The following GSG1L variants were observed in gnomAD, a reference collection of about 807,000 sequenced individuals.
GSG1L encodes GSG1 like.
GSG1L carries 24 observed loss-of-function variants against 42.1 expected under a neutral mutation model. The ratio of observed to expected loss-of-function variants is 0.57; its 90% CI spans 0.41 to 0.80. The LOEUF (loss-of-function observed/expected upper bound fraction) is 0.80. GSG1L is among the 30% of genes least tolerant of loss of function. The pLI, the probability that GSG1L is intolerant of heterozygous loss-of-function variation, is 0.00. For missense variants in GSG1L, 445 were observed against 472.2 expected (o/e 0.94, Z 0.53); for synonymous variants, 215 against 203.5 (o/e 1.06, Z -0.48).
At chr16:27,996,252 T>C (rs1290359171) in intron 1 of GSG1L, among the ~76,000 whole-genome samples, 1 of 152,152 alleles carries the variant, frequency 6.6e-6, no homozygotes, top group Non-Finnish European at 1.5e-5. Context: ...TCCAATTGCC[T>C]TTAGCTCTCA....
chr16:27,842,065 G>A (rs559882883), intron 4 of GSG1L, among the ~76,000 whole-genome samples: 2 of 151,068 alleles, frequency 1.3e-5, no homozygotes, highest in African/African-American at 4.9e-5. Flanking sequence ...TCAGTAGCAC[G>A]ATGTCGCGCG....
chr16:27,913,713 G>A (rs565854762), intron 2 of GSG1L, among the ~76,000 whole-genome samples: 1 of 152,286 alleles, frequency 6.6e-6, no homozygotes, highest in Admixed American at 6.5e-5. Flanking sequence ...AACCACAATA[G>A]AGACTGTGTG....
At chr16:27,980,572 C>T (rs1273605073) in intron 1 of GSG1L, among the ~76,000 whole-genome samples, 1 of 152,200 alleles carries the variant, frequency 6.6e-6, no homozygotes, top group Non-Finnish European at 1.5e-5. Flanking sequence ...TATGACCACA[C>T]CCATTTTACA....
intron 4 of GSG1L, among the ~76,000 whole-genome samples, chr16:27,841,424 G>A (rs1369496095): frequency 2.6e-5 from 4 of 152,186 alleles, no homozygotes; most frequent in African/African-American, 7.2e-5. Context: ...GGCTTTGAGC[G>A]CCTCAAAACC....
chr16:27,959,337 G>A lies in GSG1L; in HGVS notation c.397+3819C>T, dbSNP rs756658627. On this transcript the variant is annotated intron_variant, in intron 2 of 6. Transcript: ENST00000447459. ...AAAAAAATTAGCCGGGCATGGTGGC[G>A]TGCGCCTGTAATCCCAGCTACTCGG... Among the ~76,000 whole-genome samples, 426 of 100,958 alleles carry A rather than the reference G, an allele frequency of 4.2e-3. 3 individuals are homozygous for A. Among genetic ancestry groups the A allele is most frequent in the East Asian group, 8.1e-3 (12 of 1,478 alleles). The allele number at this position is 100,958 out of a possible 152,430, so 66.2% of individuals were successfully genotyped here.
chr16:27,919,977 C>T (rs1308344628), intron 2 of GSG1L, among the ~76,000 whole-genome samples: 3 of 152,186 alleles, frequency 2.0e-5, no homozygotes, highest in South Asian at 4.1e-4. Context: ...TGGCATGTTC[C>T]GAAGGGGGCT....
rs113225506 is a variant in GSG1L at position 27,796,087 on chromosome 16, C to G, written c.899-4620G>C. Among the ~76,000 whole-genome samples the G allele has an allele frequency of 6.3e-3, 965 of 152,250 alleles. 5 individuals carry two copies. Among genetic ancestry groups the G allele is most frequent in the African/African-American group, 0.018 (747 of 41,526 alleles). On this transcript the variant is annotated intron_variant, in intron 6 of 6. Coordinates refer to ENST00000447459, the MANE Select transcript of GSG1L (RefSeq NM_001109763.2). ...TCTGCAGCTGGCAGAGTGAGGGTAACAGGTGGCAGGTATTGATGCTCCTGA... is the reference window on the plus strand; with the variant it reads ...TCTGCAGCTGGCAGAGTGAGGGTAAGAGGTGGCAGGTATTGATGCTCCTGA...
At chr16:27,912,345 C>A (rs1416365067) in intron 2 of GSG1L, among the ~76,000 whole-genome samples, 4 of 152,144 alleles carry the variant, frequency 2.6e-5, no homozygotes, top group Admixed American at 6.5e-5. Context: ...GAGACCTGGT[C>A]TCTACTAAAA....
At chr16:28,052,879 G>T (rs2086235266) in intron 1 of GSG1L, among the ~76,000 whole-genome samples, 1 of 152,238 alleles carries the variant, frequency 6.6e-6, no homozygotes, top group African/African-American at 2.4e-5. Flanking sequence ...TCGTGTCCAA[G>T]TCTTCTGCCT....
chr16:27,936,436 G>A (rs1582531), intron 2 of GSG1L, among the ~76,000 whole-genome samples: 19,775 of 152,088 alleles, frequency 0.13, 1,395 homozygotes, highest in East Asian at 0.25. Context: ...GCTGGTTGTT[G>A]AAAAGAGCCC....
intron 1 of GSG1L, among the ~76,000 whole-genome samples, chr16:27,972,023 A>G (rs1042449030): frequency 6.6e-6 from 1 of 152,202 alleles, no homozygotes; most frequent in Non-Finnish European, 1.5e-5. Flanking sequence ...ACCACATCCT[A>G]AAATCTTCCC....
intron 1 of GSG1L, among the ~76,000 whole-genome samples, chr16:28,035,105 C>A (rs2086017357): frequency 6.6e-6 from 1 of 152,200 alleles, no homozygotes; most frequent in African/African-American, 2.4e-5. Flanking sequence ...CTCCTGGGCT[C>A]AAGCAATCCT....
intron 1 of GSG1L, among the ~76,000 whole-genome samples, chr16:28,048,403 CA>C (rs2086188412): frequency 6.6e-6 from 1 of 151,882 alleles, no homozygotes; most frequent in Non-Finnish European, 1.5e-5. Context: ...AAATTAATGA[CA>C]AAAAATTAAG....
intron 3 of GSG1L, among the ~76,000 whole-genome samples, chr16:27,870,946 A>G (rs1486969864): frequency 6.6e-6 from 1 of 151,188 alleles, no homozygotes; most frequent in Admixed American, 6.6e-5. Flanking sequence ...CTGTACCCCA[A>G]CAACAGTCTT....
chr16:28,041,913 G>A (rs899623952), intron 1 of GSG1L, among the ~76,000 whole-genome samples: 6 of 152,194 alleles, frequency 3.9e-5, no homozygotes, highest in African/African-American at 1.4e-4. Flanking sequence ...CTCCAGGATC[G>A]CTCATCCCCC....
At chr16:27,924,486 A>G (rs2084568388) in intron 2 of GSG1L, among the ~76,000 whole-genome samples, 1 of 152,150 alleles carries the variant, frequency 6.6e-6, no homozygotes, top group Admixed American at 6.5e-5. Flanking sequence ...TTGTGTGTTG[A>G]GTTTTTTTTG....
intron 3 of GSG1L, among the ~76,000 whole-genome samples, chr16:27,848,847 C>G (rs1405532800): frequency 2.0e-5 from 3 of 151,886 alleles, no homozygotes; most frequent in African/African-American, 7.3e-5. Flanking sequence ...TAGAGAGAAG[C>G]CTGGGCAAAG....
At position 27,859,540 on chromosome 16, in the gene GSG1L, G is replaced by A. The variant is rs555184771; in HGVS notation, c.551-14479C>T. 3.3e-5 allele frequency among the ~76,000 whole-genome samples: 5 copies of A among 152,358 alleles called. No individual in the cohort carries two copies. The East Asian group carries it at 9.7e-4, about 29-fold the overall frequency. On this transcript the variant is annotated intron_variant, in intron 3 of 6. Coordinates refer to ENST00000447459, the MANE Select transcript of GSG1L (RefSeq NM_001109763.2). Reference sequence around the variant, plus strand: ...CCTGGCAGCCCAGGGCATCTCATGCGTCTCACTGCCTGGCCCAGACATCAC... The same window carrying A: ...CCTGGCAGCCCAGGGCATCTCATGCATCTCACTGCCTGGCCCAGACATCAC...
At chr16:28,036,459 T>C (rs374685788) in intron 1 of GSG1L, among the ~76,000 whole-genome samples, 9 of 151,694 alleles carry the variant, frequency 5.9e-5, no homozygotes, top group East Asian at 5.9e-4. Context: ...AAGACTCCAG[T>C]TCCCCCCTGG....
Sources: gnomAD v4.1 joint callset for allele counts (sites outside exome capture counted in the v4.1 genomes callset) on GRCh38, gnomAD v4.1.1 for gene constraint, MANE v1.5 for transcripts, NCBI Gene and HGNC (gene_info 2026-07-23, HGNC 2026-07-21) for gene names.